USP37: variants seen among roughly 807,000 people sequenced by gnomAD.
USP37 encodes the protein ubiquitin carboxyl-terminal hydrolase 37.
In USP37, 27 loss-of-function variants were observed where a neutral mutation model predicts 124.0. That is an observed-to-expected ratio of 0.22 (90% CI 0.16 to 0.30). USP37 has a LOEUF of 0.30. Ranked by LOEUF, USP37 falls within the 10% of genes least tolerant of loss-of-function variation. The pLI is 1.00. For missense variants in USP37, 889 were observed against 1,140.4 expected (o/e 0.78, Z 3.17); for synonymous variants, 365 against 388.0 (o/e 0.94, Z 0.70).
intron 20 of USP37, among the ~76,000 whole-genome samples, chr2:218,468,078 G>A (rs1223879322): frequency 6.8e-6 from 1 of 147,816 alleles, no homozygotes; most frequent in African/African-American, 2.5e-5. Context: ...TGGTAGAGAT[G>A]GGGTTTCACC....
intron 22 of USP37, among the ~76,000 whole-genome samples, chr2:218,461,824 A>C (rs1690027090): frequency 6.6e-6 from 1 of 152,084 alleles, no homozygotes; most frequent in African/African-American, 2.4e-5. Flanking sequence ...AGCCTGGGCA[A>C]CATGCCAAAA....
chr2:218,466,553 ATCTACAGTGATGGT>A (rs567811452), intron 20 of USP37, among the ~76,000 whole-genome samples: 41 of 152,332 alleles, frequency 2.7e-4, no homozygotes, highest in African/African-American at 9.9e-4. Context: ...AGAACAAATG[ATCTACAGTGATGGT>A]TCTAAAAGTT....
At chr2:218,491,408 C>T (rs114719950) in intron 14 of USP37, among the ~76,000 whole-genome samples, 2,603 of 152,236 alleles carry the variant, frequency 0.017, 30 homozygotes, top group Non-Finnish European at 0.028. Context: ...ATTCTACCCA[C>T]GACCTTAATG....
intron 8 of USP37, among the ~76,000 whole-genome samples, chr2:218,545,094 G>A (rs1692247127): frequency 6.6e-6 from 1 of 152,190 alleles, no homozygotes; most frequent in Admixed American, 6.5e-5. Context: ...ATGTATGGAA[G>A]AATAGTGAAC....
At chr2:218,487,226 T>A (rs1397542136) in intron 15 of USP37, among the ~76,000 whole-genome samples, 1 of 152,194 alleles carries the variant, frequency 6.6e-6, no homozygotes, top group Non-Finnish European at 1.5e-5. Context: ...CAAATATGTA[T>A]CTACAGCTTT....
intron 1 of USP37, among the ~76,000 whole-genome samples, chr2:218,566,387 C>T (rs1693596224): frequency 6.6e-6 from 1 of 152,116 alleles, no homozygotes; most frequent in Non-Finnish European, 1.5e-5. Context: ...TCTTGTGAAC[C>T]ACAGTAAAGA....
intron 21 of USP37, among the ~76,000 whole-genome samples, chr2:218,463,720 A>T (rs1004103371): frequency 2.0e-5 from 3 of 151,440 alleles, no homozygotes; most frequent in African/African-American, 7.3e-5. Context: ...TATTTTTAGT[A>T]GAGATGGGGT....
intron 16 of USP37, among the ~76,000 whole-genome samples, chr2:218,483,023 T>C (rs1458565076): frequency 5.9e-5 from 9 of 152,116 alleles, no homozygotes; most frequent in Admixed American, 5.9e-4. Flanking sequence ...AAAAACTGAT[T>C]CTTACCATAT....
chr2:218,557,741 A>G (rs1010881483), intron 4 of USP37, among the ~76,000 whole-genome samples: 3 of 142,440 alleles, frequency 2.1e-5, no homozygotes, highest in Non-Finnish European at 4.6e-5. Context: ...AGCCTGACCA[A>G]CATGGTGAAA....
chr2:218,510,848 A>G (rs1021081400), intron 10 of USP37, among the ~76,000 whole-genome samples: 6 of 152,068 alleles, frequency 3.9e-5, no homozygotes, highest in Admixed American at 3.9e-4. Context: ...CAAGAAAATT[A>G]GCCAGGCGTG....
At position 218,549,873 on chromosome 2, in the gene USP37, G is replaced by A. The variant is rs764925326; in HGVS notation, c.365C>T (p.Ala122Val). The change falls in exon 6 of 26, where the codon GCC (alanine) becomes GTC (valine). Residue 122 changes from alanine (A) to valine (V), a missense_variant. By Grantham distance (64) the Ala-to-Val change is moderately conservative (BLOSUM62 0). Transcript: ENST00000258399. Reference sequence around the variant, plus strand: ...CTGTGAGGTCCTGCTGCCCAGAATGGCTCCAAAACTACCAGACCCCTGAGA... The same window carrying A: ...CTGTGAGGTCCTGCTGCCCAGAATGACTCCAAAACTACCAGACCCCTGAGA... ...KPSQGSGSFG[A>V]ILGSRTSQKE... 1 of 1,612,354 alleles carries A rather than the reference G, an allele frequency of 6.2e-7. No homozygotes were observed. The highest frequency in any genetic ancestry group is 8.5e-7 in the Non-Finnish European group (1 of 1,179,302).
chr2:218,520,827 C>T (rs1324247167), intron 10 of USP37, among the ~76,000 whole-genome samples: 2 of 152,206 alleles, frequency 1.3e-5, no homozygotes, highest in African/African-American at 2.4e-5. Context: ...GTGAAGAGAA[C>T]AGGCCAGCTG....
At chr2:218,467,357 ATTTT>A (rs554049558) in intron 20 of USP37, among the ~76,000 whole-genome samples, 1 of 130,214 alleles carries the variant, frequency 7.7e-6, no homozygotes, top group African/African-American at 2.8e-5. Context: ...CTATCTATCT[ATTTT>A]TTTTTGAGAT....
intron 15 of USP37, among the ~76,000 whole-genome samples, chr2:218,487,581 C>T (rs1691644646): frequency 1.3e-5 from 2 of 151,996 alleles, no homozygotes; most frequent in Non-Finnish European, 2.9e-5. Flanking sequence ...CCACCATGCC[C>T]AGCTATTTTT....
At chr2:218,535,053 G>C (rs1691543070) in intron 8 of USP37, among the ~76,000 whole-genome samples, 1 of 152,080 alleles carries the variant, frequency 6.6e-6, no homozygotes, top group Non-Finnish European at 1.5e-5. Flanking sequence ...CAGCTACTAA[G>C]ACCAAAAGAA....
At position 218,543,434 on chromosome 2, in the gene USP37, G is replaced by A. The variant is rs190825256; in HGVS notation, c.680+2787C>T. Among the ~76,000 whole-genome samples the A allele has an allele frequency of 8.4e-3, 1,237 of 147,652 alleles. 11 individuals are homozygous for A. Among genetic ancestry groups the A allele is most frequent in the Non-Finnish European group, 0.01 (676 of 67,354 alleles). ...GGAGAATCACTTGAACCCAGGAGGC[G>A]GAGATTGCAGTGAGTCGAGATGGCA... On this transcript the variant is annotated intron_variant, in intron 8 of 25. Transcript: ENST00000258399.
rs542584355 is a variant in USP37, at chr2:218,556,940, G to C, written c.156+1558C>G. ...CCTGCTTTGTCACGCAGGCTGGAGTGCGGTGGCATGATCACAGGCTCAAGC... is the reference window on the plus strand; with the variant it reads ...CCTGCTTTGTCACGCAGGCTGGAGTCCGGTGGCATGATCACAGGCTCAAGC... On this transcript the variant is annotated intron_variant, in intron 4 of 25. Coordinates refer to ENST00000258399, the MANE Select transcript of USP37 (RefSeq NM_020935.3). 2.6e-5 allele frequency among the ~76,000 whole-genome samples: 4 copies of C among 152,292 alleles called. No homozygotes were observed. In the South Asian group the frequency reaches 8.3e-4, roughly 32 times the overall value.
At chr2:218,468,568 T>C (rs7572469) in intron 20 of USP37, among the ~76,000 whole-genome samples, 2,711 of 152,190 alleles carry the variant, frequency 0.018, 85 homozygotes, top group African/African-American at 0.061. Context: ...ATATCAAACA[T>C]TACTAAAGTA....
intron 20 of USP37, among the ~76,000 whole-genome samples, chr2:218,466,893 C>T (rs530700407): frequency 6.6e-6 from 1 of 151,862 alleles, no homozygotes; most frequent in East Asian, 1.9e-4. Context: ...GCCATCACAC[C>T]TAACTAATTT....
Sources: allele counts gnomAD v4.1 joint callset (sites outside exome capture counted in the v4.1 genomes callset), GRCh38; gene constraint gnomAD v4.1.1; transcripts MANE v1.5; gene names NCBI Gene and HGNC (gene_info 2026-07-23, HGNC 2026-07-21).